The following RNF145 variants were observed in gnomAD, a reference collection of about 807,000 sequenced individuals.
The protein encoded by RNF145 is ring finger protein 145.
RNF145 carries 12 observed loss-of-function variants against 57.3 expected under a neutral mutation model. The ratio of observed to expected loss-of-function variants is 0.21; its 90% CI spans 0.13 to 0.34. The LOEUF (loss-of-function observed/expected upper bound fraction) is 0.34. Among genes scored for constraint, RNF145 ranks in the 10% least tolerant of loss-of-function variants. The probability of loss-of-function intolerance (pLI) is 1.00; values close to 1 mark genes in which losing one functional copy is unlikely to be tolerated. For missense variants in RNF145, 429 were observed against 799.0 expected (o/e 0.54, Z 5.58); for synonymous variants, 262 against 288.3 (o/e 0.91, Z 0.92).
At chr5:159,198,781 G>C (rs908205896) in intron 2 of RNF145, among the ~76,000 whole-genome samples, 4 of 152,106 alleles carry the variant, frequency 2.6e-5, no homozygotes, top group African/African-American at 9.7e-5. Context: ...TAGCACTCTT[G>C]GAGGCTGAGG....
intron 2 of RNF145, among the ~76,000 whole-genome samples, chr5:159,195,634 C>T (rs2113214840): frequency 6.6e-6 from 1 of 152,226 alleles, no homozygotes; most frequent in Admixed American, 6.5e-5. Context: ...TTCCTCTTAC[C>T]CTCTAACTTC....
At chr5:159,206,051 T>C (rs1332002893) in intron 1 of RNF145, among the ~76,000 whole-genome samples, 2 of 152,110 alleles carry the variant, frequency 1.3e-5, no homozygotes, top group Non-Finnish European at 2.9e-5. Flanking sequence ...CCCTCTTTAT[T>C]TCCACCCACC....
chr5:159,189,947 T>C (rs1785230833), intron 3 of RNF145, among the ~76,000 whole-genome samples: 1 of 152,176 alleles, frequency 6.6e-6, no homozygotes, highest in South Asian at 2.1e-4. Context: ...CTAATGGGTA[T>C]GAAGTTTCTT....
intron 1 of RNF145, among the ~76,000 whole-genome samples, chr5:159,206,645 T>C (rs868843778): frequency 6.6e-6 from 1 of 152,214 alleles, no homozygotes; most frequent in African/African-American, 2.4e-5. Flanking sequence ...GTTCCAGATT[T>C]ATTGTCAAAC....
chr5:159,190,198 C>G (rs1352583768), intron 3 of RNF145, among the ~76,000 whole-genome samples: 1 of 152,088 alleles, frequency 6.6e-6, no homozygotes, highest in African/African-American at 2.4e-5. Context: ...CATGCCACCA[C>G]ACCCAGTTAA....
chr5:159,171,805 G>T (rs1391026477), intron 6 of RNF145, among the ~76,000 whole-genome samples: 2 of 152,058 alleles, frequency 1.3e-5, no homozygotes, highest in East Asian at 3.9e-4. Flanking sequence ...GCATGGATAA[G>T]AACAGAGAAT....
upstream of RNF145, chr5:159,209,905 C>T: frequency 3.3e-6 from 5 of 1,535,990 alleles, no homozygotes; most frequent in Non-Finnish European, 4.4e-6. Flanking sequence ...CCGGTGCATT[C>T]GCAGTAGCAA....
intron 3 of RNF145, among the ~76,000 whole-genome samples, chr5:159,182,757 G>A (rs1032679495): frequency 6.6e-6 from 1 of 152,088 alleles, no homozygotes; most frequent in Non-Finnish European, 1.5e-5. Context: ...AGCACAACCA[G>A]GGAGAATTTA....
At chr5:159,182,603 T>A (rs1475087602) in intron 3 of RNF145, among the ~76,000 whole-genome samples, 1 of 152,162 alleles carries the variant, frequency 6.6e-6, no homozygotes, top group East Asian at 1.9e-4. Context: ...AATATTTAAG[T>A]AGGCTACATA....
At chr5:159,163,218 T>A in intron 8 of RNF145, 139 bp from the exon 9 acceptor site, 1 of 767,588 alleles carries the variant, frequency 1.3e-6, no homozygotes, top group Non-Finnish European at 2.1e-6. Context: ...CCAGTCACTG[T>A]ACTAGAGTTC....
intron 3 of RNF145, among the ~76,000 whole-genome samples, chr5:159,185,677 T>C (rs889562540): frequency 1.3e-5 from 2 of 152,216 alleles, no homozygotes; most frequent in East Asian, 3.8e-4. Context: ...GGTGAGCTAT[T>C]CAAGAGAAGC....
chr5:159,190,463 A>G (rs1044109294), intron 3 of RNF145, among the ~76,000 whole-genome samples: 2 of 152,098 alleles, frequency 1.3e-5, no homozygotes, highest in East Asian at 1.9e-4. Context: ...AGGCAGGAGG[A>G]TATCTTGAGG....
chr5:159,191,079 C>CAAAAAAAAAAAAAA (rs545613338), intron 3 of RNF145, among the ~76,000 whole-genome samples: 1 of 61,328 alleles, frequency 1.6e-5, no homozygotes. Flanking sequence ...AGCTGATGAG[C>CAAAAAAAAAAAAAA]AAAAAAAAAA....
chr5:159,170,599 T>C (rs564074115), intron 6 of RNF145, among the ~76,000 whole-genome samples: 2 of 152,188 alleles, frequency 1.3e-5, no homozygotes, highest in African/African-American at 4.8e-5. Context: ...ATCTTATATA[T>C]ACGTATATTT....
chr5:159,197,383 T>C (rs1404518021), intron 2 of RNF145, among the ~76,000 whole-genome samples: 1 of 152,200 alleles, frequency 6.6e-6, no homozygotes, highest in Non-Finnish European at 1.5e-5. Context: ...AATACAATAA[T>C]CAAGAATTTA....
chr5:159,158,873 C>G lies in RNF145; in HGVS notation c.1789G>C (p.Ala597Pro), dbSNP rs1321689596. The G allele has an allele frequency of 6.2e-7, 1 of 1,613,924 alleles. No homozygotes were observed. Among genetic ancestry groups the G allele is most frequent in the East Asian group, 2.2e-5 (1 of 44,880 alleles). ...LGTEPVLQPH[A>P]GAEQNVMFQE... ...AACATGACGTTTTGCTCAGCTCCAG[C>G]ATGAGGCTGTAGAACTGGCTCAGTT... Residue 597 changes from alanine to proline, a missense_variant, in exon 11 of 11, where the codon GCT (alanine) becomes CCT (proline). Transcript: ENST00000424310.
intron 2 of RNF145, among the ~76,000 whole-genome samples, chr5:159,201,941 T>C (rs1282601251): frequency 6.6e-6 from 1 of 152,180 alleles, no homozygotes; most frequent in Non-Finnish European, 1.5e-5. Context: ...TGAAATTCTG[T>C]AAACAGGAGC....
At chr5:159,177,861 T>C (rs934430034) in intron 4 of RNF145, among the ~76,000 whole-genome samples, 19 of 152,010 alleles carry the variant, frequency 1.2e-4, no homozygotes, top group African/African-American at 4.8e-5. Flanking sequence ...TGTTGGTTAC[T>C]AACAGCACTG....
At chr5:159,185,295 G>A (rs1430767687) in intron 3 of RNF145, among the ~76,000 whole-genome samples, 4 of 152,112 alleles carry the variant, frequency 2.6e-5, no homozygotes, top group Non-Finnish European at 5.9e-5. Flanking sequence ...AGTAGTTTTG[G>A]TGACAGCTAA....
Sources: allele counts gnomAD v4.1 joint callset (sites outside exome capture counted in the v4.1 genomes callset), GRCh38; gene constraint gnomAD v4.1.1; transcripts MANE v1.5; gene names NCBI Gene and HGNC (gene_info 2026-07-23, HGNC 2026-07-21).